The following MICU3 variants were observed in gnomAD, a reference collection of about 807,000 sequenced individuals.
MICU3 encodes mitochondrial calcium uptake 3.
A neutral mutation model predicts 66.5 loss-of-function variants in MICU3; 62 were observed. The ratio of observed to expected loss-of-function variants is 0.93; its 90% CI spans 0.76 to 1.15. The LOEUF (loss-of-function observed/expected upper bound fraction) is 1.15, where lower values mean the gene tolerates loss of function less well. Ranked by LOEUF, MICU3 falls within the 50% of genes most tolerant of loss-of-function variation. The pLI, the probability that MICU3 is intolerant of heterozygous loss-of-function variation, is 0.00. For missense variants in MICU3, 779 were observed against 664.4 expected (o/e 1.17, Z -1.90); for synonymous variants, 308 against 240.7 (o/e 1.28, Z -2.59).
At chr8:17,076,724 T>G (rs1820436057) in intron 3 of MICU3, among the ~76,000 whole-genome samples, 1 of 152,190 alleles carries the variant, frequency 6.6e-6, no homozygotes, top group Non-Finnish European at 1.5e-5. Flanking sequence ...CTTCCAAACT[T>G]CAATGTGTGT....
downstream of MICU3, among the ~76,000 whole-genome samples, chr8:17,123,828 G>T (rs1274654365): frequency 3.3e-5 from 5 of 151,696 alleles, no homozygotes; most frequent in South Asian, 8.3e-4. Context: ...GCATAGTAAG[G>T]TATGAAAGAA....
the MICU3 span, among the ~76,000 whole-genome samples, chr8:17,134,589 T>C: frequency 3.9e-5 from 6 of 152,056 alleles, no homozygotes; most frequent in African/African-American, 9.7e-5. Flanking sequence ...GGACTACAGG[T>C]GCCCACCACC....
At chr8:17,106,453 A>C (rs934563278) in intron 11 of MICU3, among the ~76,000 whole-genome samples, 1 of 151,558 alleles carries the variant, frequency 6.6e-6, no homozygotes, top group Non-Finnish European at 1.5e-5. Flanking sequence ...TCCAATTCAT[A>C]GGTACTTCCC....
At chr8:17,081,103 G>A (rs899575511) in intron 4 of MICU3, among the ~76,000 whole-genome samples, 2 of 152,044 alleles carry the variant, frequency 1.3e-5, no homozygotes, top group African/African-American at 4.8e-5. Context: ...CTCAGGATGC[G>A]ATGTACAGAA....
chr8:17,056,297 TCTC>T (rs1816918644), intron 1 of MICU3, among the ~76,000 whole-genome samples: 1 of 152,150 alleles, frequency 6.6e-6, no homozygotes, highest in Non-Finnish European at 1.5e-5. Context: ...CTCTTTGTAA[TCTC>T]CTCTATTCCT....
chr8:17,036,146 C>T (rs942487981), intron 1 of MICU3, among the ~76,000 whole-genome samples: 5 of 152,002 alleles, frequency 3.3e-5, no homozygotes, highest in South Asian at 4.2e-4. Context: ...CTGGTGGGTT[C>T]GTGGTCTCGC....
chr8:17,126,896 A>G (rs1019793424), downstream of MICU3, among the ~76,000 whole-genome samples: 3 of 152,186 alleles, frequency 2.0e-5, no homozygotes, highest in Admixed American at 2.0e-4. Context: ...TCAAAAAGGT[A>G]AAGATGGCAG....
At chr8:17,079,582 A>T (rs1820870401) in intron 4 of MICU3, among the ~76,000 whole-genome samples, 1 of 151,782 alleles carries the variant, frequency 6.6e-6, no homozygotes, top group South Asian at 2.1e-4. Flanking sequence ...TCATTTTGTC[A>T]CCCAGGCGGG....
At chr8:17,096,802 C>T (rs1800744531) in intron 8 of MICU3, among the ~76,000 whole-genome samples, 1 of 151,580 alleles carries the variant, frequency 6.6e-6, no homozygotes, top group Non-Finnish European at 1.5e-5. Context: ...TACACATTTT[C>T]AAAATATTTT....
rs1278120669 is a variant in MICU3 at position 17,098,570 on chromosome 8, A to G, written c.984+17A>G. ...CTCGCAGAGGTATAATTAAACCTCA[A>G]CAAGGTCCTTGTACTATTTGCCATC... On this transcript the variant is annotated intron_variant, in intron 9 of 14. Coordinates refer to ENST00000318063, the MANE Select transcript of MICU3 (RefSeq NM_181723.3). The G allele has an allele frequency of 5.9e-6, 9 of 1,516,768 alleles. No individual in the cohort carries two copies. Among genetic ancestry groups the G allele is most frequent in the Non-Finnish European group, 8.2e-6 (9 of 1,092,324 alleles). 94.0% of individuals were successfully genotyped at this position (1,516,768 alleles called of 1,614,324 possible).
intron 1 of MICU3, among the ~76,000 whole-genome samples, chr8:17,049,913 T>C (rs1243677057): frequency 1.3e-5 from 2 of 152,242 alleles, no homozygotes; most frequent in African/African-American, 4.8e-5. Context: ...CTCATTTTTC[T>C]ACAACCTGTT....
intron 1 of MICU3, among the ~76,000 whole-genome samples, chr8:17,057,555 C>T (rs1179462229): frequency 2.0e-5 from 3 of 152,062 alleles, no homozygotes; most frequent in African/African-American, 7.2e-5. Flanking sequence ...ATTATTGTTA[C>T]AATTAATATA....
chr8:17,049,151 C>G (rs571690087), intron 1 of MICU3, among the ~76,000 whole-genome samples: 1 of 152,128 alleles, frequency 6.6e-6, no homozygotes, highest in Non-Finnish European at 1.5e-5. Flanking sequence ...CTAAACAATA[C>G]TCTTCAAGTA....
intron 1 of MICU3, among the ~76,000 whole-genome samples, chr8:17,036,530 C>G (rs1405391376): frequency 1.3e-5 from 2 of 152,094 alleles, no homozygotes; most frequent in African/African-American, 4.8e-5. Flanking sequence ...AATCCCTGAG[C>G]TAGATACAAA....
At chr8:17,130,619 G>C in the MICU3 span, among the ~76,000 whole-genome samples, 3 of 152,194 alleles carry the variant, frequency 2.0e-5, no homozygotes, top group Non-Finnish European at 4.4e-5. Flanking sequence ...AGGACAGAAA[G>C]GGGTAAATAG....
intron 5 of MICU3, among the ~76,000 whole-genome samples, chr8:17,085,027 A>T (rs574293222): frequency 1.3e-5 from 2 of 152,252 alleles, no homozygotes; most frequent in East Asian, 3.9e-4. Context: ...TCTCAGTGCT[A>T]TGCAACAAGT....
In MICU3 at chr8:17,060,625, A is replaced by T. The variant is rs536021471; in HGVS notation, c.382-3459A>T. On this transcript the variant is annotated intron_variant, in intron 1 of 14. Transcript: ENST00000318063. ...CTACGCCTGGCCATTACTTACATTT[A>T]ACCAGTCCATTTTTCATCTGAGTGG... Among the ~76,000 whole-genome samples the T allele has an allele frequency of 8.0e-4, 122 of 152,120 alleles. 1 individual carries two copies. The South Asian group carries it at 8.9e-3, about 11-fold the overall frequency.
chr8:17,105,954 C>T (rs1458955797), intron 11 of MICU3, among the ~76,000 whole-genome samples: 1 of 151,962 alleles, frequency 6.6e-6, no homozygotes, highest in African/African-American at 2.4e-5. Flanking sequence ...TATTCCTTTC[C>T]GTAACACCCT....
At chr8:17,138,162 A>G in the MICU3 span, among the ~76,000 whole-genome samples, 2 of 152,140 alleles carry the variant, frequency 1.3e-5, no homozygotes, top group Non-Finnish European at 2.9e-5. Flanking sequence ...TGATGTTTAA[A>G]GAGTTATGAT....
Sources: gnomAD v4.1 joint callset for allele counts (sites outside exome capture counted in the v4.1 genomes callset) on GRCh38, gnomAD v4.1.1 for gene constraint, MANE v1.5 for transcripts, NCBI Gene and HGNC (gene_info 2026-07-23, HGNC 2026-07-21) for gene names.